The following MALRD1 variants were observed in gnomAD, a reference collection of about 807,000 sequenced individuals.
The protein encoded by MALRD1 is MAM and LDL-receptor class A domain-containing protein 1.
Under a neutral mutation model 242.1 loss-of-function variants are expected in MALRD1, and 247 were observed. The ratio of observed to expected loss-of-function variants is 1.02; its 90% CI spans 0.92 to 1.13. MALRD1 has a LOEUF of 1.13. MALRD1 is among the 50% of genes most tolerant of loss of function. The probability of loss-of-function intolerance (pLI) is 0.00; values close to 1 mark genes in which losing one functional copy is unlikely to be tolerated. For missense variants in MALRD1, 2,989 were observed against 2,533.1 expected (o/e 1.18, Z -3.86); for synonymous variants, 995 against 866.6 (o/e 1.15, Z -2.60).
At chr10:19,213,178 G>A (rs2131638806) in intron 18 of MALRD1, among the ~76,000 whole-genome samples, 1 of 152,152 alleles carries the variant, frequency 6.6e-6, no homozygotes, top group Non-Finnish European at 1.5e-5. Flanking sequence ...AGTTCCAAAT[G>A]TTTTCACATC....
chr10:19,062,202 A>G (rs531982573), intron 1 of MALRD1, among the ~76,000 whole-genome samples: 1 of 152,332 alleles, frequency 6.6e-6, no homozygotes, highest in Non-Finnish European at 1.5e-5. Context: ...GGAAATACAA[A>G]TAAAAACCAC....
At chr10:19,533,714 A>G (rs893700058) in intron 32 of MALRD1, among the ~76,000 whole-genome samples, 8 of 152,188 alleles carry the variant, frequency 5.3e-5, no homozygotes, top group Non-Finnish European at 7.3e-5. Flanking sequence ...ATTATCATGA[A>G]GACAGCATCC....
chr10:19,141,214 T>C (rs779384525), intron 10 of MALRD1, among the ~76,000 whole-genome samples: 26 of 152,166 alleles, frequency 1.7e-4, no homozygotes, highest in Non-Finnish European at 3.5e-4. Flanking sequence ...ATGAAATAGA[T>C]CTAATTTTCA....
intron 28 of MALRD1, among the ~76,000 whole-genome samples, chr10:19,419,664 C>T (rs979441992): frequency 2.0e-4 from 30 of 152,090 alleles, no homozygotes; most frequent in African/African-American, 6.8e-4. Flanking sequence ...CTCGTCAAAT[C>T]CCATTCAGTA....
At position 19,083,937 on chromosome 10, in the gene MALRD1, G is replaced by C. The variant is rs79954264; in HGVS notation, c.341-3903G>C. On this transcript the variant is annotated intron_variant, in intron 2 of 39. Transcript: ENST00000454679. ...TTTTGCCAGTTTTAAAATTCATTTTGTGGGGGAAAAAGTTTCAGAGATCTC... is the reference window on the plus strand; with the variant it reads ...TTTTGCCAGTTTTAAAATTCATTTTCTGGGGGAAAAAGTTTCAGAGATCTC... Among the ~76,000 whole-genome samples the C allele has an allele frequency of 2.8e-3, 421 of 151,988 alleles. 1 individual carries two copies. Among genetic ancestry groups the C allele is most frequent in the African/African-American group, 9.7e-3 (404 of 41,504 alleles).
At chr10:19,420,131 C>G (rs940356817) in intron 28 of MALRD1, among the ~76,000 whole-genome samples, 1 of 152,190 alleles carries the variant, frequency 6.6e-6, no homozygotes, top group African/African-American at 2.4e-5. Context: ...ATGCCTGACA[C>G]TCGTGGCCCC....
chr10:19,663,650 A>G (rs1474116885), intron 36 of MALRD1, among the ~76,000 whole-genome samples: 1 of 152,142 alleles, frequency 6.6e-6, no homozygotes, highest in East Asian at 1.9e-4. Context: ...CCCAGGTTGC[A>G]TGATAGGGGC....
intron 29 of MALRD1, among the ~76,000 whole-genome samples, chr10:19,459,340 G>C (rs1835820707): frequency 6.6e-6 from 1 of 152,142 alleles, no homozygotes; most frequent in Admixed American, 6.6e-5. Flanking sequence ...GGTGGAGATA[G>C]TCTTTGTGAC....
At chr10:19,599,493 G>C (rs375726359) in intron 34 of MALRD1, among the ~76,000 whole-genome samples, 1 of 152,056 alleles carries the variant, frequency 6.6e-6, no homozygotes, top group African/African-American at 2.4e-5. Flanking sequence ...TAATTATATG[G>C]AAGAACAGCA....
chr10:19,159,460 G>C (rs1298238409), intron 12 of MALRD1, among the ~76,000 whole-genome samples: 2 of 152,006 alleles, frequency 1.3e-5, no homozygotes, highest in Admixed American at 6.6e-5. Flanking sequence ...TAAAGGGTCT[G>C]ATGTGAAGCA....
At chr10:19,058,076 T>A (rs1834719673) in intron 1 of MALRD1, among the ~76,000 whole-genome samples, 1 of 152,246 alleles carries the variant, frequency 6.6e-6, no homozygotes, top group African/African-American at 2.4e-5. Context: ...ATCCAGTGTC[T>A]CGTTTAATTT....
Position 19,450,384 on chromosome 10 carries a change from G to C in MALRD1, c.4923G>C (p.Leu1641=), listed in dbSNP as rs117117480. The change falls in exon 29 of 40, where the codon CTG becomes CTC. Residue 1641 remains leucine (L), a synonymous_variant. Transcript: ENST00000454679. ...ATCATTGGCAAAAGGCTGACATCCT[G>C]CTAGGAAAGTTAAGGAATTTTGAAG... The part of the protein sequence containing the change: ...PGNHWQKADI[L]LGKLRNFEVI... The C allele has an allele frequency of 5.6e-3, 8,658 of 1,550,220 alleles. 36 individuals are homozygous for C. Among genetic ancestry groups the C allele is most frequent in the Non-Finnish European group, 6.3e-3 (7,197 of 1,146,922 alleles).
In MALRD1 at chr10:19,450,640, A is replaced by T. The variant is rs1835271790; in HGVS notation, c.5029+150A>T. On this transcript the variant is annotated intron_variant, in intron 29 of 39. Transcript: ENST00000454679. ...GGTATAATTTTATAATTGTGAACTTAAAACTGTATGTTGAGATAATACCTA... is the reference window on the plus strand; with the variant it reads ...GGTATAATTTTATAATTGTGAACTTTAAACTGTATGTTGAGATAATACCTA... 5.3e-6 allele frequency: 4 copies of T among 761,836 alleles called. No individual in the cohort carries two copies. In the African/African-American group the frequency reaches 7.1e-5, roughly 13 times the overall value. 47.2% of individuals were successfully genotyped at this position (761,836 alleles called of 1,614,324 possible). A position where few individuals can be genotyped will look rare whatever the true frequency, so the allele number is the denominator to read the frequency against.
chr10:19,678,901 G>T (rs1842248351), intron 36 of MALRD1, among the ~76,000 whole-genome samples: 1 of 152,112 alleles, frequency 6.6e-6, no homozygotes, highest in East Asian at 1.9e-4. Flanking sequence ...CATCTATTGA[G>T]ACAATCCATG....
At chr10:19,053,264 G>GTTT (rs1252731453) in intron 1 of MALRD1, among the ~76,000 whole-genome samples, 3 of 152,222 alleles carry the variant, frequency 2.0e-5, no homozygotes, top group Admixed American at 1.3e-4. Context: ...TTACTTGCCT[G>GTTT]TAATTGCTTT....
intron 18 of MALRD1, among the ~76,000 whole-genome samples, chr10:19,218,933 C>G (rs528385372): frequency 9.8e-4 from 149 of 152,078 alleles, no homozygotes; most frequent in African/African-American, 3.2e-3. Flanking sequence ...CAATGATTCT[C>G]TGAATAAACC....
chr10:19,187,258 A>G (rs1835780960), intron 14 of MALRD1, among the ~76,000 whole-genome samples: 1 of 152,098 alleles, frequency 6.6e-6, no homozygotes, highest in South Asian at 2.1e-4. Context: ...TAATGAGTGA[A>G]TAAATTATGT....
intron 29 of MALRD1, among the ~76,000 whole-genome samples, chr10:19,476,026 A>G (rs2131157138): frequency 6.6e-6 from 1 of 152,342 alleles, no homozygotes; most frequent in African/African-American, 2.4e-5. Flanking sequence ...AAGAGCAATA[A>G]TAGATGCAAT....
chr10:19,111,761 G>T (rs954867950), intron 5 of MALRD1, among the ~76,000 whole-genome samples: 6 of 152,164 alleles, frequency 3.9e-5, no homozygotes, highest in African/African-American at 1.4e-4. Flanking sequence ...GAGGTCACCT[G>T]GTATGTTCTT....
Sources: allele counts gnomAD v4.1 joint callset (sites outside exome capture counted in the v4.1 genomes callset), GRCh38; gene constraint gnomAD v4.1.1; transcripts MANE v1.5; gene names NCBI Gene and HGNC (gene_info 2026-07-23, HGNC 2026-07-21).